CALN1: variants seen among roughly 807,000 people sequenced by gnomAD.
The protein encoded by CALN1 is calneuron 1.
Under a neutral mutation model 30.6 loss-of-function variants are expected in CALN1, and 17 were observed. The ratio of observed to expected loss-of-function variants is 0.56; its 90% CI spans 0.38 to 0.83. CALN1 has a LOEUF of 0.83. Among genes scored for constraint, CALN1 ranks in the 40% least tolerant of loss-of-function variants. CALN1 has a pLI of 0.00. For missense variants in CALN1, 291 were observed against 354.9 expected (o/e 0.82, Z 1.45); for synonymous variants, 156 against 131.4 (o/e 1.19, Z -1.28).
At chr7:72,396,752 T>TCTTAA (rs749298645) in intron 2 of CALN1, among the ~76,000 whole-genome samples, 14 of 152,142 alleles carry the variant, frequency 9.2e-5, no homozygotes, top group Non-Finnish European at 1.3e-4. Flanking sequence ...GTGACACCAT[T>TCTTAA]CTTAAGACAA....
At chr7:71,846,627 A>C (rs35027961) in intron 5 of CALN1, among the ~76,000 whole-genome samples, 85,545 of 150,840 alleles carry the variant, frequency 0.57, 26,063 homozygotes, top group East Asian at 0.86. Flanking sequence ...CTACAGGGTA[A>C]CCCTCCTTCT....
the CALN1 span, among the ~76,000 whole-genome samples, chr7:72,477,715 C>G: frequency 1.3e-5 from 2 of 152,094 alleles, no homozygotes; most frequent in Non-Finnish European, 2.9e-5. Context: ...TGCCACCATG[C>G]CTGGATAATT....
At chr7:71,933,769 A>G (rs1045157034) in intron 5 of CALN1, among the ~76,000 whole-genome samples, 4 of 152,192 alleles carry the variant, frequency 2.6e-5, no homozygotes, top group African/African-American at 9.6e-5. Flanking sequence ...AAGTTATTTT[A>G]TGCGGAGAGA....
intron 5 of CALN1, among the ~76,000 whole-genome samples, chr7:71,946,244 CTATTTT>C (rs1462317007): frequency 6.6e-6 from 1 of 152,050 alleles, no homozygotes; most frequent in African/African-American, 2.4e-5. Context: ...TCATACATTT[CTATTTT>C]TGTCTGTTTC....
At chr7:72,475,328 G>A in the CALN1 span, among the ~76,000 whole-genome samples, 117 of 152,128 alleles carry the variant, frequency 7.7e-4, no homozygotes, top group African/African-American at 2.6e-3. Context: ...GGTGGCACGC[G>A]CCTGTAGTCC....
At chr7:71,989,457 A>G (rs1798837762) in intron 5 of CALN1, among the ~76,000 whole-genome samples, 1 of 148,086 alleles carries the variant, frequency 6.8e-6, no homozygotes, top group Admixed American at 6.8e-5. Flanking sequence ...AAAAAAAAAA[A>G]GATGATCACA....
At chr7:72,079,312 T>A (rs1804959003) in intron 4 of CALN1, among the ~76,000 whole-genome samples, 1 of 152,186 alleles carries the variant, frequency 6.6e-6, no homozygotes, top group Non-Finnish European at 1.5e-5. Context: ...ACTGTGTGGA[T>A]AACATCGAGT....
chr7:72,452,321 G>A, the CALN1 span, among the ~76,000 whole-genome samples: 1 of 152,112 alleles, frequency 6.6e-6, no homozygotes, highest in Non-Finnish European at 1.5e-5. Context: ...ATGTTGAAAT[G>A]TGACCCCCAA....
chr7:72,002,775 A>C (rs1462263262), intron 5 of CALN1, among the ~76,000 whole-genome samples: 1 of 152,224 alleles, frequency 6.6e-6, no homozygotes, highest in Non-Finnish European at 1.5e-5. Context: ...ATGAACTTGG[A>C]GGACATTATG....
intron 4 of CALN1, among the ~76,000 whole-genome samples, chr7:72,036,766 C>T (rs147652124): frequency 8.6e-5 from 13 of 151,850 alleles, no homozygotes; most frequent in South Asian, 2.1e-4. Context: ...TTTGTGTATT[C>T]GATCTGCTAT....
At chr7:72,405,143 T>G (rs1227933975) in intron 1 of CALN1, among the ~76,000 whole-genome samples, 2 of 152,160 alleles carry the variant, frequency 1.3e-5, no homozygotes, top group East Asian at 3.9e-4. Context: ...TGTTATGTCC[T>G]GCGATTGGGC....
chr7:72,483,442 G>A, the CALN1 span, among the ~76,000 whole-genome samples: 1 of 151,878 alleles, frequency 6.6e-6, no homozygotes, highest in Non-Finnish European at 1.5e-5. Flanking sequence ...CCACCACCAT[G>A]CCCAGCTAAT....
chr7:72,409,208 C>A (rs1021829447), intron 1 of CALN1, among the ~76,000 whole-genome samples: 1 of 151,564 alleles, frequency 6.6e-6, no homozygotes, highest in African/African-American at 2.4e-5. Context: ...CTTGGCCAGG[C>A]TGGTCTCCAA....
intron 2 of CALN1, among the ~76,000 whole-genome samples, chr7:72,364,117 G>A (rs1391813551): frequency 1.3e-5 from 2 of 151,756 alleles, no homozygotes; most frequent in African/African-American, 2.4e-5. Context: ...CTCTTCTAAG[G>A]GACACGAAAA....
chr7:72,493,564 C>A, the CALN1 span, among the ~76,000 whole-genome samples: 9 of 152,118 alleles, frequency 5.9e-5, no homozygotes, highest in Non-Finnish European at 1.3e-4. Context: ...GTCTCGAAAT[C>A]CTGACCTCAG....
chr7:72,027,121 C>T (rs1772317045), intron 4 of CALN1, among the ~76,000 whole-genome samples: 1 of 152,140 alleles, frequency 6.6e-6, no homozygotes, highest in South Asian at 2.1e-4. Context: ...TGCGGCTCTT[C>T]TAGGGCTACA....
intron 2 of CALN1, among the ~76,000 whole-genome samples, chr7:72,317,594 AG>A (rs1800573612): frequency 6.6e-6 from 1 of 152,176 alleles, no homozygotes; most frequent in South Asian, 2.1e-4. Flanking sequence ...CTGTGACCAC[AG>A]GGCGAACTGG....
At chr7:71,857,820 AG>A (rs1179823362) in intron 5 of CALN1, among the ~76,000 whole-genome samples, 1 of 152,182 alleles carries the variant, frequency 6.6e-6, no homozygotes, top group Non-Finnish European at 1.5e-5. Flanking sequence ...TAATTAGAAA[AG>A]GAAAAAAGGC....
intron 5 of CALN1, among the ~76,000 whole-genome samples, chr7:71,925,411 A>C (rs993829321): frequency 1.3e-5 from 2 of 151,874 alleles, no homozygotes; most frequent in Non-Finnish European, 2.9e-5. Context: ...TTCTGCTTTA[A>C]GAATGTCCTT....
Sources: gnomAD v4.1 joint callset for allele counts (sites outside exome capture counted in the v4.1 genomes callset) on GRCh38, gnomAD v4.1.1 for gene constraint, MANE v1.5 for transcripts, NCBI Gene and HGNC (gene_info 2026-07-23, HGNC 2026-07-21) for gene names.